The following DPP6 variants were observed in gnomAD, a reference collection of about 807,000 sequenced individuals.
DPP6 encodes the protein A-type potassium channel modulatory protein DPP6.
In DPP6, 69 loss-of-function variants were observed where a neutral mutation model predicts 122.6. That is an observed-to-expected ratio of 0.56 (90% CI 0.46 to 0.69). DPP6 has a LOEUF of 0.69. DPP6 is among the 30% of genes least tolerant of loss of function. The pLI, the probability that DPP6 is intolerant of heterozygous loss-of-function variation, is 0.00. For missense variants in DPP6, 928 were observed against 1,116.9 expected, an observed-to-expected ratio of 0.83 and a Z score of 2.41; for synonymous variants, 418 against 433.1, an observed-to-expected ratio of 0.97 and a Z score of 0.43.
intron 1 of DPP6, among the ~76,000 whole-genome samples, chr7:154,015,370 A>G (rs1335877754): frequency 3.3e-5 from 5 of 152,056 alleles, no homozygotes; most frequent in South Asian, 4.2e-4. Flanking sequence ...GAGCTTCTCA[A>G]TGCCCTAGTC....
intron 1 of DPP6, among the ~76,000 whole-genome samples, chr7:153,957,498 T>C (rs1300919207): frequency 6.6e-6 from 1 of 152,206 alleles, no homozygotes; most frequent in Non-Finnish European, 1.5e-5. Context: ...ACATAGAAGT[T>C]GGAGCAGTAA....
chr7:154,668,616 C>T (rs1838351227), intron 6 of DPP6, among the ~76,000 whole-genome samples: 1 of 152,082 alleles, frequency 6.6e-6, no homozygotes, highest in Non-Finnish European at 1.5e-5. Flanking sequence ...GGAGGGGTGT[C>T]ATCCAAAAGA....
At chr7:153,789,625 A>T in the DPP6 span, among the ~76,000 whole-genome samples, 2 of 152,216 alleles carry the variant, frequency 1.3e-5, no homozygotes, top group East Asian at 3.8e-4. Flanking sequence ...ATAAGTGAGA[A>T]GCTTTTGTAT....
chr7:154,187,450 T>C (rs983816385), intron 1 of DPP6, among the ~76,000 whole-genome samples: 5 of 152,336 alleles, frequency 3.3e-5, no homozygotes, highest in South Asian at 2.1e-4. Flanking sequence ...AATCTGGTTA[T>C]TGGATACTGT....
At chr7:154,439,883 G>A (rs539564263) in intron 1 of DPP6, among the ~76,000 whole-genome samples, 1 of 152,310 alleles carries the variant, frequency 6.6e-6, no homozygotes, top group South Asian at 2.1e-4. Context: ...TTTGAGAAAA[G>A]TAGGGTGGAT....
At chr7:153,852,640 A>T in the DPP6 span, among the ~76,000 whole-genome samples, 1 of 152,174 alleles carries the variant, frequency 6.6e-6, no homozygotes, top group African/African-American at 2.4e-5. Flanking sequence ...TATCAGATGC[A>T]CACGAAGGAC....
At chr7:154,095,741 A>G (rs1312917853) in intron 1 of DPP6, 2 of 109,862 alleles carry the variant, frequency 1.8e-5, no homozygotes, top group East Asian at 6.4e-4. Context: ...ACCTCCTGTG[A>G]TGCTCACGGC....
At chr7:154,297,952 A>C (rs762256974) in intron 1 of DPP6, among the ~76,000 whole-genome samples, 68 of 152,312 alleles carry the variant, frequency 4.5e-4, no homozygotes, top group Non-Finnish European at 7.5e-4. Flanking sequence ...CACGGTACCC[A>C]GCTTCTTCTC....
At chr7:154,231,482 A>T (rs923480999) in intron 1 of DPP6, among the ~76,000 whole-genome samples, 3 of 152,210 alleles carry the variant, frequency 2.0e-5, no homozygotes, top group African/African-American at 7.2e-5. Flanking sequence ...TCAGGATAAC[A>T]TCGGGCATGA....
At chr7:154,507,705 A>G (rs540956862) in intron 3 of DPP6, among the ~76,000 whole-genome samples, 3 of 152,158 alleles carry the variant, frequency 2.0e-5, no homozygotes, top group Non-Finnish European at 4.4e-5. Flanking sequence ...CCCAATAAAG[A>G]AATCTCTCAG....
chr7:153,910,234 C>CTTTTTTCTTTTTTCTTTTTTTT (rs750065238), intron 1 of DPP6, among the ~76,000 whole-genome samples: 2 of 137,752 alleles, frequency 1.5e-5, no homozygotes, highest in African/African-American at 2.7e-5. Flanking sequence ...TTCTTTCTTT[C>CTTTTTTCTTTTTTCTTTTTTTT]TTTTTTTTTT....
intron 1 of DPP6, among the ~76,000 whole-genome samples, chr7:153,908,737 C>T (rs4299922): frequency 0.085 from 12,981 of 152,044 alleles, 613 homozygotes; most frequent in South Asian, 0.13. Flanking sequence ...TATGAATGGT[C>T]ACATGTTGAA....
intron 1 of DPP6, among the ~76,000 whole-genome samples, chr7:154,040,484 C>G (rs1799704684): frequency 6.7e-6 from 1 of 149,720 alleles, no homozygotes; most frequent in South Asian, 2.1e-4. Context: ...AACATAGACT[C>G]TGCATGTAGA....
intron 1 of DPP6, among the ~76,000 whole-genome samples, chr7:154,349,614 T>C (rs1464963820): frequency 1.3e-5 from 2 of 152,214 alleles, no homozygotes; most frequent in Non-Finnish European, 2.9e-5. Context: ...AATGGACTTG[T>C]GTTTATAGGT....
the DPP6 span, among the ~76,000 whole-genome samples, chr7:153,819,077 C>CTTTTTT: frequency 3.0e-5 from 3 of 99,866 alleles, no homozygotes; most frequent in African/African-American, 4.5e-5. Context: ...CTTTTCTTTT[C>CTTTTTT]TTTTTTTTTT....
At chr7:153,791,424 C>CTTTTTTTTTTTTTTTTTTTTTTTT in the DPP6 span, among the ~76,000 whole-genome samples, 1 of 91,630 alleles carries the variant, frequency 1.1e-5, no homozygotes, top group Non-Finnish European at 2.0e-5. Flanking sequence ...TCCTTCCTTT[C>CTTTTTTTTTTTTTTTTTTTTTTTT]TTTTTTTTTT....
intron 1 of DPP6, among the ~76,000 whole-genome samples, chr7:154,370,812 T>C (rs1257772625): frequency 1.3e-5 from 2 of 152,254 alleles, no homozygotes; most frequent in Non-Finnish European, 2.9e-5. Flanking sequence ...CTATACTTAA[T>C]GTAATAAGTA....
intron 1 of DPP6, among the ~76,000 whole-genome samples, chr7:154,066,060 C>CT (rs539320144): frequency 0.21 from 27,469 of 133,156 alleles, 2,981 homozygotes; most frequent in Admixed American, 0.28. Flanking sequence ...TTTTTTTTTA[C>CT]TTTTTTTTTT....
intron 1 of DPP6, among the ~76,000 whole-genome samples, chr7:154,356,978 T>C (rs1456915828): frequency 2.0e-5 from 3 of 152,210 alleles, no homozygotes; most frequent in East Asian, 3.8e-4. Flanking sequence ...ACATTGAATT[T>C]TGGGGGTTTA....
Sources: allele counts gnomAD v4.1 joint callset (sites outside exome capture counted in the v4.1 genomes callset), GRCh38; gene constraint gnomAD v4.1.1; transcripts MANE v1.5; gene names NCBI Gene and HGNC (gene_info 2026-07-23, HGNC 2026-07-21).